The following SEPTIN8 variants were observed in gnomAD, a reference collection of about 807,000 sequenced individuals.
The protein encoded by SEPTIN8 is septin 8.
SEPTIN8 carries 22 observed loss-of-function variants against 53.1 expected under a neutral mutation model. That is an observed-to-expected ratio of 0.41 (90% CI 0.30 to 0.59). The LOEUF (loss-of-function observed/expected upper bound fraction) is 0.59. SEPTIN8 is among the 20% of genes least tolerant of loss of function. SEPTIN8 has a pLI of 0.24. For synonymous variants in SEPTIN8, 228 were observed against 248.4 expected (o/e 0.92, Z 0.77); for missense variants, 536 against 638.7 (o/e 0.84, Z 1.73).
At chr5:132,764,202 G>A (rs1223052453) in intron 3 of SEPTIN8, 22 bp downstream of exon 3, 7 of 1,594,830 alleles carry the variant, frequency 4.4e-6, no homozygotes, top group Non-Finnish European at 6.0e-6. Flanking sequence ...GGCTGGGTGG[G>A]GCCGCCCTTC....
intron 9 of SEPTIN8, chr5:132,757,064 C>T (rs1317166073): frequency 1.0e-6 from 1 of 985,260 alleles, no homozygotes; most frequent in Admixed American, 6.2e-5. Context: ...TTTTAGATAC[C>T]CTCACTGAAG....
rs1318371821 is a variant in SEPTIN8 at position 132,751,137 on chromosome 5, T to A, written c.*879A>T. 5.7e-6 allele frequency: 5 copies of A among 880,958 alleles called. No individual in the cohort carries two copies. The African/African-American group carries it at 6.8e-5, about 12-fold the overall frequency. The allele number at this position is 880,958 out of a possible 1,614,324, so 54.6% of individuals were successfully genotyped here. On this transcript the variant is annotated 3_prime_UTR_variant, in exon 10 of 10. Coordinates refer to ENST00000378719, the MANE Select transcript of SEPTIN8 (RefSeq NM_001098811.2). ...ACAGTGAGGTGACGCACAAGGCTCA[T>A]GACATACGGAAGAGTGAAAAGGTAT...
rs1755533086 is a variant in SEPTIN8, at chr5:132,758,301, G to A, written c.1286+2501C>T. The A allele has an allele frequency of 1.3e-5, 17 of 1,350,368 alleles. No individual in the cohort carries two copies. In the South Asian group the frequency reaches 3.3e-4, roughly 26 times the overall value. 83.6% of individuals were successfully genotyped at this position (1,350,368 alleles called of 1,614,324 possible). On this transcript the variant is annotated intron_variant, in intron 9 of 9. Coordinates refer to ENST00000378719, the MANE Select transcript of SEPTIN8 (RefSeq NM_001098811.2). ...GGATATTATTTGTCTTGACGCTGGT[G>A]CCAAAATAAATATTTAGAAGTGTTT...
At chr5:132,758,639 G>A (rs922724475) in intron 9 of SEPTIN8, 5 of 1,592,474 alleles carry the variant, frequency 3.1e-6, no homozygotes, top group African/African-American at 2.7e-5. Context: ...GGCCCGCCAG[G>A]CCCGGGGCAG....
intron 9 of SEPTIN8, chr5:132,758,055 G>A (rs1755507261): frequency 4.0e-6 from 4 of 995,346 alleles, no homozygotes; most frequent in Non-Finnish European, 4.8e-6. Flanking sequence ...AACAGCTTTG[G>A]GCTGCTGTTC....
intron 2 of SEPTIN8, among the ~76,000 whole-genome samples, chr5:132,764,643 G>C (rs1398986983): frequency 6.6e-6 from 1 of 152,210 alleles, no homozygotes; most frequent in Non-Finnish European, 1.5e-5. Flanking sequence ...AGGTGAACTT[G>C]GACAGAAGAC....
At chr5:132,754,903 C>T (rs1755195201) in intron 9 of SEPTIN8, among the ~76,000 whole-genome samples, 2 of 152,164 alleles carry the variant, frequency 1.3e-5, no homozygotes, top group African/African-American at 4.8e-5. Flanking sequence ...GAGGCAGATG[C>T]TATGGCAGAA....
intron 1 of SEPTIN8, among the ~76,000 whole-genome samples, chr5:132,771,936 A>G (rs534590330): frequency 1.6e-4 from 24 of 152,244 alleles, no homozygotes; most frequent in East Asian, 5.8e-4. Context: ...TAGAGGCAGG[A>G]TATACCTGTC....
At chr5:132,778,199 T>A, upstream of SEPTIN8, 1 of 615,692 alleles carries the variant, frequency 1.6e-6, no homozygotes, top group Non-Finnish European at 2.0e-6. Context: ...CCTTTCTCTC[T>A]GCTCTTTCTG....
chr5:132,774,274 T>C (rs30526), intron 1 of SEPTIN8: 58,222 of 165,906 alleles, frequency 0.35, 16,857 homozygotes, highest in African/African-American at 0.79. Context: ...TGTGAGGCTG[T>C]GTGCTGCACG....
intron 1 of SEPTIN8, among the ~76,000 whole-genome samples, chr5:132,770,087 A>G (rs1241699406): frequency 2.3e-4 from 12 of 51,210 alleles, no homozygotes; most frequent in Non-Finnish European, 3.0e-4. Flanking sequence ...ATATGTATAT[A>G]TGTATATATA....
upstream of SEPTIN8, among the ~76,000 whole-genome samples, chr5:132,778,554 C>T (rs1757968484): frequency 6.6e-6 from 1 of 152,160 alleles, no homozygotes. Context: ...GTTTCCCATG[C>T]TGTATTAAAG....
intron 9 of SEPTIN8, chr5:132,758,454 G>A: frequency 2.5e-6 from 4 of 1,598,796 alleles, no homozygotes; most frequent in East Asian, 2.3e-5. Flanking sequence ...TCTCCACGCT[G>A]AACAATTAGG....
intron 1 of SEPTIN8, among the ~76,000 whole-genome samples, chr5:132,775,201 C>A (rs955680680): frequency 1.3e-5 from 2 of 152,206 alleles, no homozygotes; most frequent in African/African-American, 2.4e-5. Flanking sequence ...CGAGAGCAAA[C>A]ACAGGACCCC....
chr5:132,777,261 T>C, upstream of SEPTIN8: 1 of 1,128,402 alleles, frequency 8.9e-7, no homozygotes, highest in Non-Finnish European at 1.1e-6. This position sits in a 1 kb window ranked among gnomAD's most constrained non-coding sequence, Gnocchi z 4.1. Context: ...GGCCACTTCC[T>C]GGAAACTCCC....
At chr5:132,779,696 CCCTT>C (rs1483681263), upstream of SEPTIN8, among the ~76,000 whole-genome samples, 1 of 152,152 alleles carries the variant, frequency 6.6e-6, no homozygotes, top group Non-Finnish European at 1.5e-5. Context: ...AAAATAAAGA[CCCTT>C]CCCTAACTTC....
At position 132,764,317 on chromosome 5, in the gene SEPTIN8, G is replaced by C. The variant is rs372920830; in HGVS notation, c.254C>G (p.Pro85Arg). The change falls in exon 3 of 10, where the codon CCC becomes CGC. Residue 85 changes from proline (P) to arginine (R), a missense_variant. Pro to Arg is a moderately radical substitution (Grantham distance 103). Transcript: ENST00000378719. ...GCTCTCCTGGAGGTCATAGGTCTGGGGCCGCAGGCGCACGCATGCCTCATG... is the reference window on the plus strand; with the variant it reads ...GCTCTCCTGGAGGTCATAGGTCTGGCGCCGCAGGCGCACGCATGCCTCATG... ...SHHEACVRLR[P>R]QTYDLQESNV... 2.4e-5 allele frequency: 39 copies of C among 1,614,068 alleles called. No homozygotes were observed. Among genetic ancestry groups the C allele is most frequent in the Non-Finnish European group, 2.4e-5 (28 of 1,180,026 alleles).
At chr5:132,770,010 TATATATATATATAC>T (rs1469821940) in intron 1 of SEPTIN8, among the ~76,000 whole-genome samples, 1,915 of 57,380 alleles carry the variant, frequency 0.033, 94 homozygotes, top group African/African-American at 0.12. Context: ...TATATATATA[TATATATATATATAC>T]ACACACATAT....
chr5:132,761,819 G>T lies in SEPTIN8; in HGVS notation c.774C>A (p.Tyr258Ter), dbSNP rs769023114. ...VGNKLVRARQ[Y>*]PWGVVQVENE... ...ACTCACCCTGCACCACTCCCCAGGG[G>T]TACTGCCGTGCTCGGACCAGCTTGT... The change falls in exon 6 of 10, where the codon TAC (tyrosine) becomes TAA (stop). Residue 258 changes from tyrosine (Y) to a stop codon, truncating the protein, a stop_gained. Transcript: ENST00000378719. LOFTEE classifies it high-confidence loss of function. The surrounding 1 kb of genome is among the most constrained non-coding windows in gnomAD (Gnocchi z 5.8). 5.0e-6 allele frequency: 8 copies of T among 1,608,810 alleles called. No homozygotes were observed. Among genetic ancestry groups the T allele is most frequent in the Non-Finnish European group, 6.8e-6 (8 of 1,177,754 alleles).
Sources: gnomAD v4.1 joint callset for allele counts (sites outside exome capture counted in the v4.1 genomes callset) on GRCh38, gnomAD v4.1.1 for gene constraint, Gnocchi (gnomAD v3.1) non-coding constraint, MANE v1.5 for transcripts, NCBI Gene and HGNC (gene_info 2026-07-23, HGNC 2026-07-21) for gene names.